The following AGPAT4 variants were observed in gnomAD, a reference collection of about 807,000 sequenced individuals.
AGPAT4 encodes the protein 1-acylglycerol-3-phosphate O-acyltransferase 4.
AGPAT4 carries 15 observed loss-of-function variants against 48.0 expected under a neutral mutation model. The observed-to-expected ratio is 0.31, with a 90% CI of 0.21 to 0.48. AGPAT4 has a LOEUF of 0.48. Ranked by LOEUF, AGPAT4 falls within the 20% of genes least tolerant of loss-of-function variation. The pLI is 0.99. For missense variants in AGPAT4, 314 were observed against 482.5 expected, an observed-to-expected ratio of 0.65 and a Z score of 3.27; for synonymous variants, 178 against 198.7, an observed-to-expected ratio of 0.90 and a Z score of 0.88.
In AGPAT4 at chr6:161,259,309, C is replaced by T. The variant is rs541710697; in HGVS notation, c.-90+14629G>A. On this transcript the variant is annotated intron_variant, in intron 1 of 8. Coordinates refer to ENST00000320285, the MANE Select transcript of AGPAT4 (RefSeq NM_020133.3). The surrounding 1 kb of genome is among the most constrained non-coding windows in gnomAD (Gnocchi z 4.9). Reference sequence around the variant, plus strand: ...ATTATTCTTAGTTATGGTCACAATGCCATGTAACAGACCTCTGCACCCCTG... The same window carrying T: ...ATTATTCTTAGTTATGGTCACAATGTCATGTAACAGACCTCTGCACCCCTG... Among the ~76,000 whole-genome samples, 24 of 152,052 alleles carry T rather than the reference C, an allele frequency of 1.6e-4. No individual in the cohort carries two copies. Among genetic ancestry groups the T allele is most frequent in the Non-Finnish European group, 1.3e-4 (9 of 68,006 alleles).
At position 161,223,819 on chromosome 6, in the gene AGPAT4, A is replaced by G. The variant is rs1262983573; in HGVS notation, c.178+8217T>C. Among the ~76,000 whole-genome samples, 2 of 152,104 alleles carry G rather than the reference A, an allele frequency of 1.3e-5. No homozygotes were observed. Among genetic ancestry groups the G allele is most frequent in the African/African-American group, 2.4e-5 (1 of 41,434 alleles). ...TCCACTCAAAGACCTCCTGGCCCCA[A>G]TCTCTGCTCCATCACTTCCTGTGTG... On this transcript the variant is annotated intron_variant, in intron 2 of 8. Transcript: ENST00000320285. The surrounding 1 kb of genome is among the most constrained non-coding windows in gnomAD (Gnocchi z 6.3).
chr6:161,243,534 G>T lies in AGPAT4; in HGVS notation c.-89-11232C>A, dbSNP rs1782560866. Among the ~76,000 whole-genome samples the T allele has an allele frequency of 6.6e-6, 1 of 152,106 alleles. No individual in the cohort carries two copies. The highest frequency in any genetic ancestry group is 2.4e-5 in the African/African-American group (1 of 41,412). On this transcript the variant is annotated intron_variant, in intron 1 of 8. Coordinates refer to ENST00000320285, the MANE Select transcript of AGPAT4 (RefSeq NM_020133.3). The surrounding 1 kb of genome is among the most constrained non-coding windows in gnomAD (Gnocchi z 4.8). Reference sequence around the variant, plus strand: ...GCTGTTTCCTAGCTGTGCAATCTTGGGTCAGTAGCTTATGCTCTCTGAGCC... The same window carrying T: ...GCTGTTTCCTAGCTGTGCAATCTTGTGTCAGTAGCTTATGCTCTCTGAGCC...
Position 161,234,046 on chromosome 6 carries a change from G to T in AGPAT4, c.-89-1744C>A, listed in dbSNP as rs1414456034. Among the ~76,000 whole-genome samples, 1 of 152,174 alleles carries T rather than the reference G, an allele frequency of 6.6e-6. No individual in the cohort carries two copies. Among genetic ancestry groups the T allele is most frequent in the African/African-American group, 2.4e-5 (1 of 41,440 alleles). On this transcript the variant is annotated intron_variant, in intron 1 of 8. Transcript: ENST00000320285. This position sits in a 1 kb window ranked among gnomAD's most constrained non-coding sequence, Gnocchi z 4.4. ...CTCCTGCACGTGTCAGGGGTGTTCT[G>T]CTCCTGAGATGTGAGGCGGGAGGTC...
rs906017254 is a variant in AGPAT4, at chr6:161,132,196, G to A, written c.*4344C>T. ...TGTGACTTCAGCTTCATTCATCCTG[G>A]CCAAACAAAAAAAGTTCAAAAAATT... On this transcript the variant is annotated 3_prime_UTR_variant, in exon 9 of 9. Transcript: ENST00000320285. 1 of 152,076 alleles carries A rather than the reference G, an allele frequency of 6.6e-6. No individual in the cohort carries two copies. The highest frequency in any genetic ancestry group is 1.5e-5 in the Non-Finnish European group (1 of 67,996). 9.4% of individuals were successfully genotyped at this position (152,076 alleles called of 1,614,324 possible). A position where few individuals can be genotyped will look rare whatever the true frequency, so the allele number is the denominator to read the frequency against.
At position 161,165,450 on chromosome 6, in the gene AGPAT4, G is replaced by A. The variant is rs551362342; in HGVS notation, c.348+798C>T. On this transcript the variant is annotated intron_variant, in intron 3 of 8. Transcript: ENST00000320285. The surrounding 1 kb of genome is among the most constrained non-coding windows in gnomAD (Gnocchi z 5.5). ...AAGCAAGGTGATTTCAGCAGCCCCCGTATCTGTTCTACAGGGCATTGTTCC... is the reference window on the plus strand; with the variant it reads ...AAGCAAGGTGATTTCAGCAGCCCCCATATCTGTTCTACAGGGCATTGTTCC... The A allele has an allele frequency of 7.3e-6, 3 of 411,544 alleles. No individual in the cohort carries two copies. Among genetic ancestry groups the A allele is most frequent in the Admixed American group, 8.4e-5 (2 of 23,704 alleles). 25.5% of individuals were successfully genotyped at this position (411,544 alleles called of 1,614,324 possible).
Position 161,238,634 on chromosome 6 carries a change from G to A in AGPAT4, c.-89-6332C>T, listed in dbSNP as rs150461542. 2.0e-4 allele frequency among the ~76,000 whole-genome samples: 31 copies of A among 152,284 alleles called. No homozygotes were observed. Among genetic ancestry groups the A allele is most frequent in the Admixed American group, 1.4e-3 (22 of 15,304 alleles). On this transcript the variant is annotated intron_variant, in intron 1 of 8. Coordinates refer to ENST00000320285, the MANE Select transcript of AGPAT4 (RefSeq NM_020133.3). The surrounding 1 kb of genome is among the most constrained non-coding windows in gnomAD (Gnocchi z 5.2). ...CTTAACTATGTAATCTTCCCAAAGC[G>A]TGGGATGGAGATGAGGTGATAGGGT... is the stretch of plus-strand genomic sequence containing the variant.
In AGPAT4 at chr6:161,217,480, T is replaced by C. The variant is rs1781682061; in HGVS notation, c.178+14556A>G. ...CGATATCCAAGCCCAAAAGACATGC[T>C]TCTCCCTGTGTGTCCCTGGGGGAGT... On this transcript the variant is annotated intron_variant, in intron 2 of 8. Coordinates refer to ENST00000320285, the MANE Select transcript of AGPAT4 (RefSeq NM_020133.3). The surrounding 1 kb of genome is among the most constrained non-coding windows in gnomAD (Gnocchi z 4.9). Among the ~76,000 whole-genome samples, 4 of 152,182 alleles carry C rather than the reference T, an allele frequency of 2.6e-5. No individual in the cohort carries two copies. The highest frequency in any genetic ancestry group is 2.6e-4 in the Admixed American group (4 of 15,284).
rs1206286788 is a variant in AGPAT4 at position 161,235,378 on chromosome 6, T to A, written c.-89-3076A>T. Among the ~76,000 whole-genome samples, 1 of 152,184 alleles carries A rather than the reference T, an allele frequency of 6.6e-6. No homozygotes were observed. Among genetic ancestry groups the A allele is most frequent in the Non-Finnish European group, 1.5e-5 (1 of 68,038 alleles). On this transcript the variant is annotated intron_variant, in intron 1 of 8. Coordinates refer to ENST00000320285, the MANE Select transcript of AGPAT4 (RefSeq NM_020133.3). The surrounding 1 kb of genome is among the most constrained non-coding windows in gnomAD (Gnocchi z 6.2). ...AAGAAGGTGAGAAGTGCTCGAGTTGTTAAATAATTTAACTGACTTTAGAAT... is the reference window on the plus strand; with the variant it reads ...AAGAAGGTGAGAAGTGCTCGAGTTGATAAATAATTTAACTGACTTTAGAAT...
In AGPAT4 at chr6:161,233,733, CGAT is replaced by C. The variant is rs1354741575; in HGVS notation, c.-89-1434_-89-1432del. Reference sequence around the variant, plus strand: ...CATGTTTAAGGCAGGCGAGGCTAAACGATGATGTTTGGTAGGTGAGGTGCATGC... The same window carrying C: ...CATGTTTAAGGCAGGCGAGGCTAAACGATGTTTGGTAGGTGAGGTGCATGC... On this transcript the variant is annotated intron_variant, in intron 1 of 8. Transcript: ENST00000320285. The surrounding 1 kb of genome is among the most constrained non-coding windows in gnomAD (Gnocchi z 5.4). 6.6e-6 allele frequency among the ~76,000 whole-genome samples: 1 copy of C among 152,154 alleles called. No homozygotes were observed. The highest frequency in any genetic ancestry group is 2.4e-5 in the African/African-American group (1 of 41,442).
chr6:161,213,926 G>A lies in AGPAT4; in HGVS notation c.178+18110C>T, dbSNP rs530389151. ...CAAAAAAATTTTTTAAAGTGGGGGT[G>A]GGGGTGTTGGGGAATGTGAAAGGAA... On this transcript the variant is annotated intron_variant, in intron 2 of 8. Transcript: ENST00000320285. Among the ~76,000 whole-genome samples the A allele has an allele frequency of 9.9e-4, 151 of 152,208 alleles. 1 individual carries two copies. Among genetic ancestry groups the A allele is most frequent in the African/African-American group, 3.3e-3 (139 of 41,524 alleles).
chr6:161,167,263 G>A (rs558189161), intron 2 of AGPAT4, among the ~76,000 whole-genome samples: 1 of 152,260 alleles, frequency 6.6e-6, no homozygotes, highest in African/African-American at 2.4e-5. Flanking sequence ...GTCTTGCTCT[G>A]TCACCCAGGC....
At chr6:161,190,865 C>T (rs1030551844) in intron 2 of AGPAT4, among the ~76,000 whole-genome samples, 1 of 152,080 alleles carries the variant, frequency 6.6e-6, no homozygotes, top group African/African-American at 2.4e-5. Flanking sequence ...TGTATTTATC[C>T]AATAGACTGT....
In AGPAT4 at chr6:161,166,489, C is replaced by T. The variant is rs983124182; in HGVS notation, c.179-72G>A. The T allele has an allele frequency of 1.3e-6, 2 of 1,499,712 alleles. No homozygotes were observed. Among genetic ancestry groups the T allele is most frequent in the African/African-American group, 1.4e-5 (1 of 71,072 alleles). 92.9% of individuals were successfully genotyped at this position (1,499,712 alleles called of 1,614,324 possible). Reference sequence around the variant, plus strand: ...CCTGGGAGCCCTGCTGAGAGCAGGGCTCTGCCCTCCCAGCTAGGGGAGAAA... The same window carrying T: ...CCTGGGAGCCCTGCTGAGAGCAGGGTTCTGCCCTCCCAGCTAGGGGAGAAA... On this transcript the variant is annotated intron_variant, in intron 2 of 8. Transcript: ENST00000320285. This position sits in a 1 kb window ranked among gnomAD's most constrained non-coding sequence, Gnocchi z 6.7.
intron 1 of AGPAT4, among the ~76,000 whole-genome samples, chr6:161,260,402 G>A (rs1233114876): frequency 1.3e-5 from 2 of 152,164 alleles, no homozygotes; most frequent in African/African-American, 4.8e-5. Context: ...GCTCACACCT[G>A]TAATCTCAGC....
At position 161,132,318 on chromosome 6, in the gene AGPAT4, G is replaced by A. The variant is rs371034898; in HGVS notation, c.*4222C>T. 7 of 152,212 alleles carry A rather than the reference G, an allele frequency of 4.6e-5. No individual in the cohort carries two copies. Among genetic ancestry groups the A allele is most frequent in the African/African-American group, 1.7e-4 (7 of 41,444 alleles). 9.4% of individuals were successfully genotyped at this position (152,212 alleles called of 1,614,324 possible). On this transcript the variant is annotated 3_prime_UTR_variant, in exon 9 of 9. Coordinates refer to ENST00000320285, the MANE Select transcript of AGPAT4 (RefSeq NM_020133.3). Reference sequence around the variant, plus strand: ...ACAGCCACCATATCCTTATATAGATGGGGAAAAATCCAGAAAAGGGGGATT... The same window carrying A: ...ACAGCCACCATATCCTTATATAGATAGGGAAAAATCCAGAAAAGGGGGATT...
Position 161,242,878 on chromosome 6 carries a change from G to T in AGPAT4, c.-89-10576C>A, listed in dbSNP as rs994020701. 6.6e-6 allele frequency among the ~76,000 whole-genome samples: 1 copy of T among 152,054 alleles called. No individual in the cohort carries two copies. Among genetic ancestry groups the T allele is most frequent in the Admixed American group, 6.6e-5 (1 of 15,260 alleles). ...AGGTCAGGAGATCGAGGCCAGCCTGGCCAACATAGTGAAACCCCGTCTCTA... is the reference window on the plus strand; with the variant it reads ...AGGTCAGGAGATCGAGGCCAGCCTGTCCAACATAGTGAAACCCCGTCTCTA... On this transcript the variant is annotated intron_variant, in intron 1 of 8. Coordinates refer to ENST00000320285, the MANE Select transcript of AGPAT4 (RefSeq NM_020133.3). This position sits in a 1 kb window ranked among gnomAD's most constrained non-coding sequence, Gnocchi z 5.0.
Position 161,152,550 on chromosome 6 carries a change from C to T in AGPAT4, c.664+796G>A, listed in dbSNP as rs1341546822. ...GCCAGGGCTGGAGAAACCAAGGGGCCCCAGATGCAGGCCTGGGGAGGAGTT... is the reference window on the plus strand; with the variant it reads ...GCCAGGGCTGGAGAAACCAAGGGGCTCCAGATGCAGGCCTGGGGAGGAGTT... On this transcript the variant is annotated intron_variant, in intron 5 of 8. Coordinates refer to ENST00000320285, the MANE Select transcript of AGPAT4 (RefSeq NM_020133.3). Among the ~76,000 whole-genome samples, 4 of 152,288 alleles carry T rather than the reference C, an allele frequency of 2.6e-5. No individual in the cohort carries two copies. The East Asian group carries it at 5.8e-4, about 22-fold the overall frequency.
intron 2 of AGPAT4, among the ~76,000 whole-genome samples, chr6:161,193,356 C>G (rs1357649219): frequency 6.6e-6 from 1 of 152,140 alleles, no homozygotes; most frequent in African/African-American, 2.4e-5. Flanking sequence ...TTTAAAACCT[C>G]CTAGGTTAAT....
At position 161,198,327 on chromosome 6, in the gene AGPAT4, C is replaced by T. The variant is rs1357842622; in HGVS notation, c.179-31910G>A. ...GAGTGATTTCACAATCCCCTCTCCT[C>T]CGGGGCATTTGGCAATGTCTGGAGA... On this transcript the variant is annotated intron_variant, in intron 2 of 8. Coordinates refer to ENST00000320285, the MANE Select transcript of AGPAT4 (RefSeq NM_020133.3). This position sits in a 1 kb window ranked among gnomAD's most constrained non-coding sequence, Gnocchi z 4.3. Among the ~76,000 whole-genome samples the T allele has an allele frequency of 6.6e-6, 1 of 152,222 alleles. No individual in the cohort carries two copies. Among genetic ancestry groups the T allele is most frequent in the Non-Finnish European group, 1.5e-5 (1 of 68,042 alleles).
Sources: gnomAD v4.1 joint callset for allele counts (sites outside exome capture counted in the v4.1 genomes callset) on GRCh38, gnomAD v4.1.1 for gene constraint, Gnocchi (gnomAD v3.1) non-coding constraint, MANE v1.5 for transcripts, NCBI Gene and HGNC (gene_info 2026-07-23, HGNC 2026-07-21) for gene names.